Variants in ZNF229 observed in about 807,000 individuals in gnomAD.
ZNF229 encodes the protein zinc finger protein 229.
In ZNF229, 10 loss-of-function variants were observed where a neutral mutation model predicts 11.8. The observed-to-expected ratio is 0.85, with a 90% confidence interval of 0.52 to 1.44. The LOEUF (loss-of-function observed/expected upper bound fraction) is 1.44, where lower values mean the gene tolerates loss of function less well. Ranked by LOEUF, ZNF229 falls within the 40% of genes most tolerant of loss-of-function variation. The pLI, the probability that ZNF229 is intolerant of heterozygous loss-of-function variation, is 0.00. For synonymous variants in ZNF229, 368 were observed against 374.8 expected (o/e 0.98, Z 0.21); for missense variants, 1,045 against 1,015.1 (o/e 1.03, Z -0.40).
chr19:44,427,133 G>C lies in ZNF229; in HGVS notation c.*1170C>G, dbSNP rs529150613. ...CAGCAAGGGAGAAATCTGCCCTCGTGATCCAATCATCTCCCACCAAGGCCC... is the reference window on the plus strand; with the variant it reads ...CAGCAAGGGAGAAATCTGCCCTCGTCATCCAATCATCTCCCACCAAGGCCC... On this transcript the variant is annotated 3_prime_UTR_variant, in exon 6 of 6. Transcript: ENST00000614049. The C allele has an allele frequency of 5.9e-5, 9 of 151,990 alleles. 1 individual carries two copies. Among genetic ancestry groups the C allele is most frequent in the African/African-American group, 1.9e-4 (8 of 41,382 alleles). 9.4% of individuals were successfully genotyped at this position (151,990 alleles called of 1,614,324 possible).
In ZNF229 at chr19:44,429,801, C is replaced by T. The variant is rs1404537397; in HGVS notation, c.980G>A (p.Gly327Asp). 5 of 1,614,058 alleles carry T rather than the reference C, an allele frequency of 3.1e-6. No homozygotes were observed. The South Asian group carries it at 3.3e-5, about 11-fold the overall frequency. ...GTGCGTGTTCTGTCTGACGCCCCGA[C>T]CACGCTCAAGACTCTTAACAGATTT... Reference protein sequence around the residue: ...GEKSVKSLERGRGVRQNTHIR... With the variant: ...GEKSVKSLERDRGVRQNTHIR... Residue 327 changes from glycine (G) to aspartate (D), a missense_variant, in exon 6 of 6, where the codon GGT becomes GAT. Transcript: ENST00000614049.
chr19:44,436,921 GTA>G (rs903723536), intron 4 of ZNF229, among the ~76,000 whole-genome samples: 7 of 150,848 alleles, frequency 4.6e-5, no homozygotes, highest in Admixed American at 3.3e-4. Context: ...ATATGTGTGT[GTA>G]TATATATATA....
intron 2 of ZNF229, among the ~76,000 whole-genome samples, chr19:44,447,119 C>T (rs1464953324): frequency 6.6e-6 from 1 of 152,118 alleles, no homozygotes; most frequent in Non-Finnish European, 1.5e-5. Flanking sequence ...TACAAACTTG[C>T]TCAGAAAATT....
Position 44,429,909 on chromosome 19 carries a change from TTC to T in ZNF229, c.870_871del (p.Lys291ThrfsTer5), listed in dbSNP as rs745900340. 5.6e-6 allele frequency: 9 copies of T among 1,613,972 alleles called. No individual in the cohort carries two copies. The highest frequency in any genetic ancestry group is 7.6e-6 in the Non-Finnish European group (9 of 1,180,022). The stretch of plus-strand genomic sequence containing the variant: ...ACTAAACTCATCATATTGACAGAGT[TTC>T]TCTTTCAAAGGTACTCTTGGATGCG... On this transcript the variant is annotated frameshift_variant, in exon 6 of 6. Coordinates refer to ENST00000614049, the MANE Select transcript of ZNF229 (RefSeq NM_014518.4). LOFTEE classifies it low-confidence loss of function (END_TRUNC).
chr19:44,430,130 C>T lies in ZNF229; in HGVS notation c.651G>A (p.Trp217Ter). Reference sequence around the variant, plus strand: ...ATATCCAGCAAAAGCTGTCATCATCCCAGTTACATTTATATACTGTGTCTT... The same window carrying T: ...ATATCCAGCAAAAGCTGTCATCATCTCAGTTACATTTATATACTGTGTCTT... ...DTEDTVYKCNWDDDSFCWISC... is the reference protein window; with the variant it reads ...DTEDTVYKCN Residue 217 changes from tryptophan to a stop codon, truncating the protein, a stop_gained, in exon 6 of 6, where the codon TGG becomes TGA. Transcript: ENST00000614049. LOFTEE classifies it low-confidence loss of function (END_TRUNC). The T allele has an allele frequency of 6.2e-7, 1 of 1,614,092 alleles. No homozygotes were observed. Among genetic ancestry groups the T allele is most frequent in the Non-Finnish European group, 8.5e-7 (1 of 1,180,034 alleles).
In ZNF229 at chr19:44,429,631, TCC is replaced by T. The variant is rs1600008650; in HGVS notation, c.1148_1149del (p.Gly383GlufsTer23). 3 of 1,614,000 alleles carry T rather than the reference TCC, an allele frequency of 1.9e-6. No individual in the cohort carries two copies. The Admixed American group carries it at 5.0e-5, about 27-fold the overall frequency. ...GRRPYKCEEC[G>X]KAFGRSSNLL... ...AGGTTTGAACTTCGACCAAATGCCT[TCC>T]CACACTCCTCACATTTATAGGGTCT... On this transcript the variant is annotated frameshift_variant, in exon 6 of 6. Transcript: ENST00000614049. LOFTEE classifies it low-confidence loss of function (END_TRUNC).
rs1322350626 is a variant in ZNF229, at chr19:44,426,571, A to G, written c.*1732T>C. The G allele has an allele frequency of 6.6e-6, 1 of 152,166 alleles. No homozygotes were observed. The highest frequency in any genetic ancestry group is 1.5e-5 in the Non-Finnish European group (1 of 68,040). The allele number at this position is 152,166 out of a possible 1,614,324, so 9.4% of individuals were successfully genotyped here. A position where few individuals can be genotyped will look rare whatever the true frequency, so the allele number is the denominator to read the frequency against. On this transcript the variant is annotated 3_prime_UTR_variant, in exon 6 of 6. Transcript: ENST00000614049. ...TACTTCATGAGCAACCTGCATTGTCATTATCTGTGTGCCTGAAGATTTCTA... is the reference window on the plus strand; with the variant it reads ...TACTTCATGAGCAACCTGCATTGTCGTTATCTGTGTGCCTGAAGATTTCTA...
intron 4 of ZNF229, among the ~76,000 whole-genome samples, chr19:44,441,723 T>C (rs749812419): frequency 1.1e-4 from 16 of 152,202 alleles, no homozygotes; most frequent in Non-Finnish European, 1.8e-4. Context: ...TATATACACA[T>C]TTGGCTGTTA....
Position 44,428,335 on chromosome 19 carries a change from T to C in ZNF229, c.2446A>G (p.Arg816Gly). The change falls in exon 6 of 6, where the codon AGA becomes GGA. Residue 816 changes from arginine (R) to glycine (G), a missense_variant. Physicochemically the swap from Arg to Gly is moderately radical, Grantham distance 125 (BLOSUM62 -2). Coordinates refer to ENST00000614049, the MANE Select transcript of ZNF229 (RefSeq NM_014518.4). ...TAAGGGTTCTCGCCTAAATGCACTCTTTGGTGGTTCCGCAGACCTGAGGTA... is the reference window on the plus strand; with the variant it reads ...TAAGGGTTCTCGCCTAAATGCACTCCTTGGTGGTTCCGCAGACCTGAGGTA... The part of the protein sequence containing the change: ...SYTSGLRNHQ[R>G]VHLGENPYK 6.2e-7 allele frequency: 1 copy of C among 1,613,588 alleles called. No homozygotes were observed. Among genetic ancestry groups the C allele is most frequent in the Non-Finnish European group, 8.5e-7 (1 of 1,179,614 alleles).
At chr19:44,434,166 C>T (rs1971772519) in intron 4 of ZNF229, among the ~76,000 whole-genome samples, 1 of 152,106 alleles carries the variant, frequency 6.6e-6, no homozygotes, top group South Asian at 2.1e-4. Context: ...AATTTTTCTC[C>T]AAGAAGTCTG....
At position 44,443,015 on chromosome 19, in the gene ZNF229, G is replaced by T; in HGVS notation, c.-168C>A. ...GTCCAGAGCGCGACTGCTTCCCATGGTCAGGGGACCTGTAGGTTCGGGAGG... is the reference window on the plus strand; with the variant it reads ...GTCCAGAGCGCGACTGCTTCCCATGTTCAGGGGACCTGTAGGTTCGGGAGG... On this transcript the variant is annotated 5_prime_UTR_variant, in exon 3 of 6. Coordinates refer to ENST00000614049, the MANE Select transcript of ZNF229 (RefSeq NM_014518.4). The T allele has an allele frequency of 2.7e-6, 2 of 739,824 alleles. No homozygotes were observed. The highest frequency in any genetic ancestry group is 4.4e-6 in the Non-Finnish European group (2 of 451,062). The allele number at this position is 739,824 out of a possible 1,614,324, so 45.8% of individuals were successfully genotyped here.
chr19:44,434,271 C>T (rs1270050057), intron 4 of ZNF229, among the ~76,000 whole-genome samples: 2 of 152,130 alleles, frequency 1.3e-5, no homozygotes, highest in East Asian at 1.9e-4. Context: ...GGTTCTTTCC[C>T]AATCATTCAC....
chr19:44,430,092 T>C lies in ZNF229; in HGVS notation c.689A>G (p.Asp230Gly), dbSNP rs1289591026. The C allele has an allele frequency of 7.4e-6, 12 of 1,614,174 alleles. No homozygotes were observed. The highest frequency in any genetic ancestry group is 1.3e-5 in the African/African-American group (1 of 75,002). Residue 230 changes from aspartate to glycine, a missense_variant, in exon 6 of 6, where the codon GAT becomes GGT. Coordinates refer to ENST00000614049, the MANE Select transcript of ZNF229 (RefSeq NM_014518.4). Reference sequence around the variant, plus strand: ...CTTGTCTATTTCAGGGAATCTGTGATCAACATGACAAGATATCCAGCAAAA... The same window carrying C: ...CTTGTCTATTTCAGGGAATCTGTGACCAACATGACAAGATATCCAGCAAAA... ...DSFCWISCHVDHRFPEIDKPC... is the reference protein window; with the variant it reads ...DSFCWISCHVGHRFPEIDKPC...
In ZNF229 at chr19:44,435,893, G is replaced by T. The variant is rs185635628; in HGVS notation, c.94-3527C>A. On this transcript the variant is annotated intron_variant, in intron 4 of 5. Coordinates refer to ENST00000614049, the MANE Select transcript of ZNF229 (RefSeq NM_014518.4). ...CCTCAGGCAATGCCGCTGTGAAGTA[G>T]GCGGTGGCCAGATCACTCAGGGCCT... Among the ~76,000 whole-genome samples the T allele has an allele frequency of 3.3e-5, 5 of 152,346 alleles. No individual in the cohort carries two copies. In the East Asian group the frequency reaches 9.6e-4, roughly 29 times the overall value.
intron 4 of ZNF229, among the ~76,000 whole-genome samples, chr19:44,442,046 C>G (rs1311197166): frequency 6.6e-6 from 1 of 152,178 alleles, no homozygotes; most frequent in Non-Finnish European, 1.5e-5. Context: ...CAAGAATGCT[C>G]AGGTCTTTAT....
intron 2 of ZNF229, among the ~76,000 whole-genome samples, chr19:44,444,317 C>CA (rs1971968754): frequency 6.6e-6 from 1 of 152,116 alleles, no homozygotes; most frequent in Non-Finnish European, 1.5e-5. Context: ...TACTCTAGGA[C>CA]ACTCACTGGA....
intron 4 of ZNF229, among the ~76,000 whole-genome samples, chr19:44,441,813 G>C (rs774435166): frequency 2.0e-5 from 3 of 152,166 alleles, no homozygotes; most frequent in Non-Finnish European, 4.4e-5. Flanking sequence ...TGCTCGACCA[G>C]AATAAGGAGA....
At chr19:44,439,151 GCTTA>G (rs1422012630) in intron 4 of ZNF229, among the ~76,000 whole-genome samples, 14 of 152,168 alleles carry the variant, frequency 9.2e-5, no homozygotes, top group African/African-American at 3.4e-4. Context: ...AAAACTGATT[GCTTA>G]CTTGAGGAGA....
intron 5 of ZNF229, among the ~76,000 whole-genome samples, chr19:44,431,336 T>C (rs2571173): frequency 0.33 from 49,512 of 152,044 alleles, 9,614 homozygotes; most frequent in East Asian, 0.57. Flanking sequence ...TAAAAATTTG[T>C]CCATGTTTTC....
Sources: gnomAD v4.1 joint callset for allele counts (sites outside exome capture counted in the v4.1 genomes callset) on GRCh38, gnomAD v4.1.1 for gene constraint, MANE v1.5 for transcripts, NCBI Gene and HGNC (gene_info 2026-07-23, HGNC 2026-07-21) for gene names.